PCF11: variants seen among roughly 807,000 people sequenced by gnomAD.
PCF11 encodes pre-mRNA cleavage complex 2 protein Pcf11.
In PCF11, 19 loss-of-function variants were observed where a neutral mutation model predicts 166.1. That is an observed-to-expected ratio of 0.11 (90% CI 0.08 to 0.17). The LOEUF (loss-of-function observed/expected upper bound fraction) is 0.17, where lower values mean the gene tolerates loss of function less well. PCF11 is among the 10% of genes least tolerant of loss of function. PCF11 has a pLI of 1.00. For synonymous variants in PCF11, 663 were observed against 644.1 expected (o/e 1.03, Z -0.44); for missense variants, 1,565 against 1,855.5 (o/e 0.84, Z 2.88).
intron 1 of PCF11, chr11:83,158,998 T>C (rs1330596289): frequency 6.6e-6 from 1 of 152,224 alleles, no homozygotes; most frequent in Non-Finnish European, 1.5e-5. Flanking sequence ...CATTCTTCTT[T>C]AGGTTCCATC....
intron 9 of PCF11, among the ~76,000 whole-genome samples, chr11:83,174,823 G>A (rs145844247): frequency 4.0e-4 from 61 of 152,268 alleles, no homozygotes; most frequent in African/African-American, 1.4e-3. Flanking sequence ...ATAGCTAATT[G>A]TGCATCTTAG....
chr11:83,184,603 T>C (rs551574324), intron 15 of PCF11, 76 bp from the exon 16 acceptor site: 12 of 961,828 alleles, frequency 1.2e-5, no homozygotes, highest in Non-Finnish European at 2.0e-5. Flanking sequence ...CATACAAGGG[T>C]CTTACAAGAC....
exon 16 of PCF11, chr11:83,185,491 A>G (rs1188030100): frequency 7.2e-5 from 11 of 152,442 alleles, no homozygotes; most frequent in African/African-American, 2.7e-4. Flanking sequence ...GGTATAGAGA[A>G]CCATCCAGAT....
Position 83,164,460 on chromosome 11 carries a change from A to G in PCF11, c.702+59A>G, listed in dbSNP as rs1056660865. 3.3e-6 allele frequency: 4 copies of G among 1,223,176 alleles called. No individual in the cohort carries two copies. The African/African-American group carries it at 6.2e-5, about 19-fold the overall frequency. The allele number at this position is 1,223,176 out of a possible 1,614,324, so 75.8% of individuals were successfully genotyped here. On this transcript the variant is annotated intron_variant, in intron 4 of 15. Coordinates refer to ENST00000298281, the Ensembl canonical transcript of PCF11. Reference sequence around the variant, plus strand: ...AAACCTGTCTAACAATAGGGAAGTAATGTTTATGTTTGAATTTTATTAACA... The same window carrying G: ...AAACCTGTCTAACAATAGGGAAGTAGTGTTTATGTTTGAATTTTATTAACA...
At chr11:83,162,373 T>C (rs529316882) in intron 2 of PCF11, among the ~76,000 whole-genome samples, 2 of 152,328 alleles carry the variant, frequency 1.3e-5, no homozygotes, top group South Asian at 4.1e-4. Context: ...AGAAAATAAG[T>C]AGTTGCTATT....
intron 1 of PCF11, among the ~76,000 whole-genome samples, chr11:83,160,321 G>GTTTTTTTTTTTTTTTTTTTTTTTTTTTT (rs35201107): frequency 2.5e-4 from 23 of 91,266 alleles, no homozygotes; most frequent in Admixed American, 3.8e-4. Context: ...GATAACCTAA[G>GTTTTTTTTTTTTTTTTTTTTTTTTTTTT]TTTTTTTTTT....
chr11:83,157,890 G>GAC (rs548269719), intron 1 of PCF11: 9 of 514,068 alleles, frequency 1.8e-5, no homozygotes, highest in African/African-American at 5.7e-5. Flanking sequence ...TGTATATCCC[G>GAC]ACACACACAC....
chr11:83,169,289 C>T, exon 8 of PCF11: 1 of 1,611,832 alleles, frequency 6.2e-7, no homozygotes, highest in African/African-American at 1.3e-5. Context: ...TTTGAGGGTC[C>T]ACATGGTCAG....
At chr11:83,160,626 T>G (rs1235596686) in intron 1 of PCF11, among the ~76,000 whole-genome samples, 1 of 151,770 alleles carries the variant, frequency 6.6e-6, no homozygotes, top group East Asian at 1.9e-4. Context: ...CGGCGGAGAG[T>G]CCAGGCTGTG....
chr11:83,165,773 A>G, exon 5 of PCF11: 2 of 1,613,244 alleles, frequency 1.2e-6, no homozygotes, highest in South Asian at 2.2e-5. Flanking sequence ...ATTTAAAAGG[A>G]ACTAACCGGG....
rs139063879 is a variant in PCF11 at position 83,163,322 on chromosome 11, A to G, written c.319-357A>G. ...AAACATTTAAGCCATCAGGTAATCAATTTTTCTAGTTGTTTTATATTTTTT... is the reference window on the plus strand; with the variant it reads ...AAACATTTAAGCCATCAGGTAATCAGTTTTTCTAGTTGTTTTATATTTTTT... On this transcript the variant is annotated intron_variant, in intron 2 of 15. Coordinates refer to ENST00000298281, the Ensembl canonical transcript of PCF11. 7.7e-4 allele frequency among the ~76,000 whole-genome samples: 117 copies of G among 152,084 alleles called. No individual in the cohort carries two copies. In the East Asian group the frequency reaches 0.021, roughly 27 times the overall value.
Position 83,179,978 on chromosome 11 carries a change from C to T in PCF11, c.3984-1030C>T, listed in dbSNP as rs138419231. On this transcript the variant is annotated intron_variant, in intron 11 of 15. Transcript: ENST00000298281. ...CTCTTGTAGTGTCCTACTAACTCCC[C>T]TCCATGTAGTTATAAGACTGTTTTT... is the stretch of plus-strand genomic sequence containing the variant. Among the ~76,000 whole-genome samples, 1,164 of 152,102 alleles carry T rather than the reference C, an allele frequency of 7.7e-3. 14 individuals carry two copies. Among genetic ancestry groups the T allele is most frequent in the Non-Finnish European group, 0.01 (692 of 67,982 alleles).
exon 1 of PCF11, chr11:83,157,201 C>T (rs1464666535): frequency 3.4e-6 from 2 of 581,934 alleles, no homozygotes; most frequent in Admixed American, 3.0e-5. Context: ...CATTTTGTGT[C>T]TGTGGAGAAA....
rs780109223 is a variant in PCF11, at chr11:83,165,809, A to C, written c.912A>C (p.Gln304His). The change falls in exon 5 of 16, where the codon CAA becomes CAC. Residue 304 changes from glutamine (Q) to histidine (H), a missense_variant. Gln to His is a conservative substitution (Grantham distance 24). Coordinates refer to ENST00000298281, the Ensembl canonical transcript of PCF11. ...ATCCTCGTCTGAACAGGATAAGCCA[A>C]CATTCTCATGGAAAAGATCAGAGTC... The C allele has an allele frequency of 7.4e-6, 12 of 1,610,896 alleles. No homozygotes were observed. Among genetic ancestry groups the C allele is most frequent in the Non-Finnish European group, 1.0e-5 (12 of 1,178,722 alleles).
intron 1 of PCF11, chr11:83,157,892 C>G: frequency 4.0e-6 from 2 of 503,926 alleles, no homozygotes; most frequent in South Asian, 2.5e-5. Context: ...TATATCCCGA[C>G]ACACACACGC....
intron 5 of PCF11, 150 bp from the exon 6 acceptor site, chr11:83,166,975 A>G (rs1860486796): frequency 2.9e-6 from 2 of 682,092 alleles, no homozygotes; most frequent in African/African-American, 1.8e-5. Flanking sequence ...TGCTGATTTC[A>G]TATTTTGTGC....
intron 15 of PCF11, among the ~76,000 whole-genome samples, chr11:83,183,565 A>G (rs1461798811): frequency 6.6e-6 from 1 of 152,054 alleles, no homozygotes; most frequent in East Asian, 1.9e-4. Context: ...ATCTCGGCTC[A>G]CTGCAACCTC....
At chr11:83,168,683 C>T (rs760167134) in exon 8 of PCF11, 1 of 1,613,952 alleles carries the variant, frequency 6.2e-7, no homozygotes, top group South Asian at 1.1e-5. Flanking sequence ...ATTGATGGAC[C>T]TCCCACACCA....
rs1300477387 is a variant in PCF11 at position 83,164,410 on chromosome 11, G to A, written c.702+9G>A. On this transcript the variant is annotated intron_variant, in intron 4 of 15. Coordinates refer to ENST00000298281, the Ensembl canonical transcript of PCF11. ...AAGCTAAGGCACAGTTGGTAAGTAA[G>A]GGAGATTGTCATTTTAAATATTTTA... The A allele has an allele frequency of 6.3e-7, 1 of 1,596,056 alleles. No individual in the cohort carries two copies. Among genetic ancestry groups the A allele is most frequent in the Admixed American group, 1.8e-5 (1 of 56,370 alleles).
Sources: gnomAD v4.1 joint callset for allele counts (sites outside exome capture counted in the v4.1 genomes callset) on GRCh38, gnomAD v4.1.1 for gene constraint, MANE v1.5 for transcripts, NCBI Gene and HGNC (gene_info 2026-07-23, HGNC 2026-07-21) for gene names.